The following ACER3 variants were observed in gnomAD, a reference collection of about 807,000 sequenced individuals.
ACER3 encodes the protein alkaline ceramidase 3.
In ACER3, 16 loss-of-function variants were observed where a neutral mutation model predicts 48.9. The ratio of observed to expected loss-of-function variants is 0.33; its 90% CI spans 0.22 to 0.50. ACER3 has a LOEUF of 0.50. ACER3 is among the 20% of genes least tolerant of loss of function. ACER3 has a pLI of 0.98. For missense variants in ACER3, 227 were observed against 326.0 expected (o/e 0.70, Z 2.34); for synonymous variants, 109 against 107.8 (o/e 1.01, Z -0.07).
chr11:76,862,928 A>T (rs968647305), intron 1 of ACER3, among the ~76,000 whole-genome samples: 5 of 43,272 alleles, frequency 1.2e-4, no homozygotes, highest in Admixed American at 2.1e-4. Flanking sequence ...CTTAGTTTAG[A>T]ACCAAGAAAA....
chr11:77,003,338 T>G (rs922027566), intron 7 of ACER3, among the ~76,000 whole-genome samples: 1 of 152,192 alleles, frequency 6.6e-6, no homozygotes, highest in Non-Finnish European at 1.5e-5. Context: ...TCATCAAAAT[T>G]TATGTGTGTA....
chr11:76,969,788 C>T (rs1225319588), intron 3 of ACER3, among the ~76,000 whole-genome samples: 22 of 112,952 alleles, frequency 1.9e-4, no homozygotes, highest in Admixed American at 6.9e-4. Flanking sequence ...GACACTGGGG[C>T]CTGTTGTGGG....
chr11:76,957,536 C>T (rs535296023), intron 2 of ACER3: 41 of 438,398 alleles, frequency 9.4e-5, no homozygotes, highest in Non-Finnish European at 1.5e-4. Flanking sequence ...CTCCATTTCC[C>T]AGGTTTACGC....
intron 1 of ACER3, among the ~76,000 whole-genome samples, chr11:76,905,165 T>G (rs1946192850): frequency 6.6e-6 from 1 of 152,176 alleles, no homozygotes; most frequent in South Asian, 2.1e-4. Context: ...TGTGTGTATT[T>G]TTTTAGTGAA....
At chr11:77,002,851 A>G (rs1555020139) in intron 7 of ACER3, among the ~76,000 whole-genome samples, 1 of 152,226 alleles carries the variant, frequency 6.6e-6, no homozygotes, top group Non-Finnish European at 1.5e-5. Context: ...TCACAAGAGG[A>G]CAAATACTAC....
At chr11:76,906,154 C>T (rs565629080) in intron 1 of ACER3, among the ~76,000 whole-genome samples, 2 of 152,164 alleles carry the variant, frequency 1.3e-5, no homozygotes, top group Non-Finnish European at 2.9e-5. Flanking sequence ...ATAATATTCC[C>T]TCCCTATAAC....
Position 76,898,903 on chromosome 11 carries a change from CAAAAAAAAAAA to C in ACER3, c.104-27635_104-27625del, listed in dbSNP as rs59278347. Among the ~76,000 whole-genome samples, 6 of 55,848 alleles carry C rather than the reference CAAAAAAAAAAA, an allele frequency of 1.1e-4. 1 individual carries two copies. The highest frequency in any genetic ancestry group is 5.1e-4 in the African/African-American group (6 of 11,740). The allele number at this position is 55,848 out of a possible 152,430, so 36.6% of individuals were successfully genotyped here. Reference sequence around the variant, plus strand: ...TGGGCGACAGAGCGAGACTCCGTCTCAAAAAAAAAAAAAAAAAAAAAAAAAAAAATCCTCGT... The same window carrying C: ...TGGGCGACAGAGCGAGACTCCGTCTCAAAAAAAAAAAAAAAAAATCCTCGT... On this transcript the variant is annotated intron_variant, in intron 1 of 10. Coordinates refer to ENST00000532485, the MANE Select transcript of ACER3 (RefSeq NM_018367.7).
At chr11:76,921,736 A>G (rs774241600) in intron 1 of ACER3, among the ~76,000 whole-genome samples, 10 of 152,184 alleles carry the variant, frequency 6.6e-5, no homozygotes, top group East Asian at 1.9e-4. Context: ...ATTATGTCTT[A>G]TATGTCTTTG....
intron 1 of ACER3, among the ~76,000 whole-genome samples, chr11:76,889,764 T>C (rs10899302): frequency 0.7 from 107,105 of 151,988 alleles, 38,050 homozygotes; most frequent in Non-Finnish European, 0.74. Flanking sequence ...ATTTTGTTAA[T>C]TCAGCCTTAT....
chr11:76,957,594 T>C, intron 2 of ACER3: 1 of 304,044 alleles, frequency 3.3e-6, no homozygotes, highest in Middle Eastern at 1.2e-3. Context: ...CAGGTGTGTA[T>C]CACCATGTCT....
rs782236425 is a variant in ACER3, at chr11:77,015,000, G to C, written c.498-16G>C. Reference sequence around the variant, plus strand: ...TGAGAAAATTTTATTTTGCTTTTCTGTTTTCCCCCCCACAGGGTTTATCCA... The same window carrying C: ...TGAGAAAATTTTATTTTGCTTTTCTCTTTTCCCCCCCACAGGGTTTATCCA... On this transcript the variant is annotated splice_polypyrimidine_tract_variant and intron_variant, in intron 7 of 10. Transcript: ENST00000532485. 1 of 1,473,490 alleles carries C rather than the reference G, an allele frequency of 6.8e-7. No individual in the cohort carries two copies. The highest frequency in any genetic ancestry group is 9.5e-7 in the Non-Finnish European group (1 of 1,056,178). 91.3% of individuals were successfully genotyped at this position (1,473,490 alleles called of 1,614,324 possible).
intron 1 of ACER3, among the ~76,000 whole-genome samples, chr11:76,909,407 A>G (rs1233840546): frequency 6.6e-6 from 1 of 152,216 alleles, no homozygotes; most frequent in Non-Finnish European, 1.5e-5. Flanking sequence ...ATCTACAAGG[A>G]ACTTAAACAA....
chr11:77,003,059 A>T (rs1949066184), intron 7 of ACER3, among the ~76,000 whole-genome samples: 1 of 152,210 alleles, frequency 6.6e-6, no homozygotes, highest in South Asian at 2.1e-4. Flanking sequence ...TTTGCACAAC[A>T]ATGTGAATGT....
chr11:76,987,982 C>A (rs543984119), intron 5 of ACER3, among the ~76,000 whole-genome samples: 17 of 152,230 alleles, frequency 1.1e-4, no homozygotes, highest in African/African-American at 4.1e-4. Context: ...GAAATACTTA[C>A]ATTTGAGGAC....
chr11:76,929,241 C>T (rs1432614098), intron 2 of ACER3, among the ~76,000 whole-genome samples: 1 of 152,142 alleles, frequency 6.6e-6, no homozygotes, highest in African/African-American at 2.4e-5. Flanking sequence ...TGGGAGTTCA[C>T]TTATGATTTG....
At position 77,007,250 on chromosome 11, in the gene ACER3, GT is replaced by G. The variant is rs539133547; in HGVS notation, c.498-7760del. On this transcript the variant is annotated intron_variant, in intron 7 of 10. Transcript: ENST00000532485. ...TTTTATTTTTTTAACAAATTTAGAA[GT>G]TTTTTGCCATTATTTTATGAAGTAC... 1.2e-3 allele frequency among the ~76,000 whole-genome samples: 190 copies of G among 152,164 alleles called. 1 individual carries two copies. Among genetic ancestry groups the G allele is most frequent in the Admixed American group, 5.1e-3 (78 of 15,292 alleles).
At position 77,024,150 on chromosome 11, in the gene ACER3, C is replaced by T. The variant is rs1267789525; in HGVS notation, c.*3823C>T. 1.1e-5 allele frequency: 1 copy of T among 87,650 alleles called. No homozygotes were observed. Among genetic ancestry groups the T allele is most frequent in the Non-Finnish European group, 2.3e-5 (1 of 43,084 alleles). The allele number at this position is 87,650 out of a possible 1,614,324, so 5.4% of individuals were successfully genotyped here. Reference sequence around the variant, plus strand: ...TTAAACCCCTTTATGGAAGGAGCTGCAAAATGAAAAAAAAAAAAAAAAGGA... The same window carrying T: ...TTAAACCCCTTTATGGAAGGAGCTGTAAAATGAAAAAAAAAAAAAAAAGGA... On this transcript the variant is annotated 3_prime_UTR_variant, in exon 11 of 11. Transcript: ENST00000532485.
chr11:76,927,197 C>T (rs997384405), intron 2 of ACER3, among the ~76,000 whole-genome samples: 1 of 152,192 alleles, frequency 6.6e-6, no homozygotes. Context: ...GAAAGGATAC[C>T]ATCCAACCTT....
chr11:76,862,442 A>G (rs7116513), intron 1 of ACER3, among the ~76,000 whole-genome samples: 103,992 of 152,134 alleles, frequency 0.68, 35,941 homozygotes, highest in Non-Finnish European at 0.74. Context: ...CATTTGTAAT[A>G]CAATTACTTG....
Sources: gnomAD v4.1 joint callset for allele counts (sites outside exome capture counted in the v4.1 genomes callset) on GRCh38, gnomAD v4.1.1 for gene constraint, MANE v1.5 for transcripts, NCBI Gene and HGNC (gene_info 2026-07-23, HGNC 2026-07-21) for gene names.